The following JMJD1C variants were observed in gnomAD, a reference collection of about 807,000 sequenced individuals.
JMJD1C encodes the protein jumonji domain-containing protein 1C.
A neutral mutation model predicts 245.3 loss-of-function variants in JMJD1C; 31 were observed. That is an observed-to-expected ratio of 0.13 (90% confidence interval 0.09 to 0.17). The LOEUF is 0.17. Among genes scored for constraint, JMJD1C ranks in the 10% least tolerant of loss-of-function variants. JMJD1C has a pLI of 1.00. For synonymous variants in JMJD1C, 1,057 were observed against 1,017.4 expected (o/e 1.04, Z -0.74); for missense variants, 2,691 against 3,000.2 (o/e 0.90, Z 2.41).
chr10:63,290,388 G>A lies in JMJD1C; in HGVS notation c.334-25624C>T, dbSNP rs970979429. ...GTTCGAATCCAGCCTGGCCAGCATG[G>A]TGAAACCCCGTCCCTATTAAAAATT... On this transcript the variant is annotated intron_variant, in intron 2 of 25. Coordinates refer to ENST00000399262, the MANE Select transcript of JMJD1C (RefSeq NM_032776.3). Among the ~76,000 whole-genome samples, 19 of 152,064 alleles carry A rather than the reference G, an allele frequency of 1.2e-4. No individual in the cohort carries two copies. In the East Asian group the frequency reaches 3.7e-3, roughly 29 times the overall value.
At chr10:63,464,024 G>C (rs1057383260) in intron 1 of JMJD1C, among the ~76,000 whole-genome samples, 27 of 151,522 alleles carry the variant, frequency 1.8e-4, no homozygotes, top group Non-Finnish European at 2.8e-4. Context: ...TCTCACCTAT[G>C]TTGCCCAGGC....
chr10:63,456,878 G>C (rs540666629), intron 1 of JMJD1C, among the ~76,000 whole-genome samples: 1 of 152,118 alleles, frequency 6.6e-6, no homozygotes, highest in South Asian at 2.1e-4. Flanking sequence ...TAGATGAACA[G>C]ATACCTTCAC....
chr10:63,514,836 C>G (rs375831704), intron 1 of JMJD1C, among the ~76,000 whole-genome samples: 1 of 152,124 alleles, frequency 6.6e-6, no homozygotes, highest in Non-Finnish European at 1.5e-5. Flanking sequence ...TTCCAACATT[C>G]CTGCCATATT....
chr10:63,426,813 C>T (rs1048533673), intron 1 of JMJD1C, among the ~76,000 whole-genome samples: 4 of 152,008 alleles, frequency 2.6e-5, no homozygotes, highest in African/African-American at 9.7e-5. Flanking sequence ...CTCTGAGTAT[C>T]TAGTGTAAGA....
intron 1 of JMJD1C, among the ~76,000 whole-genome samples, chr10:63,409,825 G>C (rs1000549618): frequency 6.6e-6 from 1 of 152,100 alleles, no homozygotes; most frequent in African/African-American, 2.4e-5. Flanking sequence ...TTTACATGAG[G>C]ATCTGGTTAA....
chr10:63,482,161 GA>G (rs200828018), intron 1 of JMJD1C, among the ~76,000 whole-genome samples: 3 of 150,790 alleles, frequency 2.0e-5, no homozygotes, highest in African/African-American at 7.3e-5. Flanking sequence ...CATTGATGAG[GA>G]AAAAAAAATT....
intron 2 of JMJD1C, among the ~76,000 whole-genome samples, chr10:63,308,321 T>C (rs1268628792): frequency 6.6e-6 from 1 of 152,068 alleles, no homozygotes; most frequent in South Asian, 2.1e-4. Flanking sequence ...GGAGATGATA[T>C]CTCAAAATTC....
intron 1 of JMJD1C, among the ~76,000 whole-genome samples, chr10:63,443,734 T>C (rs2132948758): frequency 6.6e-6 from 1 of 152,328 alleles, no homozygotes; most frequent in Middle Eastern, 3.4e-3. Flanking sequence ...GGTTAGGTCA[T>C]GGAGATGAGA....
chr10:63,499,325 A>T (rs1028819399), intron 1 of JMJD1C, among the ~76,000 whole-genome samples: 9 of 152,344 alleles, frequency 5.9e-5, no homozygotes, highest in African/African-American at 2.2e-4. Flanking sequence ...ACCATTTTGC[A>T]TTCCCAACAC....
chr10:63,208,698 G>C lies in JMJD1C; in HGVS notation c.2971C>G (p.His991Asp). ...GGATCCACAAAATGCCTATGTAAGT[G>C]ACAATCTTTTCCAGTCTGTGACCTA... is the stretch of plus-strand genomic sequence containing the variant. ...LNRSQTGKDC[H>D]LHRHFVDPVL... The change falls in exon 10 of 26, where the codon CAC (histidine) becomes GAC (aspartate). Residue 991 changes from histidine to aspartate, a missense_variant. His to Asp is a moderately conservative substitution (Grantham distance 81). Coordinates refer to ENST00000399262, the MANE Select transcript of JMJD1C (RefSeq NM_032776.3). 1.2e-6 allele frequency: 2 copies of C among 1,614,040 alleles called. No individual in the cohort carries two copies. The highest frequency in any genetic ancestry group is 1.7e-4 in the Middle Eastern group (1 of 6,060).
chr10:63,219,102 T>G (rs1159080936), intron 4 of JMJD1C, among the ~76,000 whole-genome samples: 1 of 152,130 alleles, frequency 6.6e-6, no homozygotes, highest in East Asian at 1.9e-4. Flanking sequence ...TGTTTTTGTA[T>G]GTGTTTGAAA....
intron 14 of JMJD1C, 176 bp from the exon 15 acceptor site, chr10:63,193,648 C>T: frequency 2.1e-6 from 1 of 477,308 alleles, no homozygotes; most frequent in Non-Finnish European, 3.6e-6. Flanking sequence ...GATTATTCAA[C>T]CAAATTTATG....
chr10:63,453,619 A>C (rs944739317), intron 1 of JMJD1C, among the ~76,000 whole-genome samples: 2 of 152,224 alleles, frequency 1.3e-5, no homozygotes, highest in African/African-American at 4.8e-5. Flanking sequence ...CCAAAGGAAA[A>C]ATTTTTACTG....
chr10:63,356,473 T>C (rs958311480), intron 2 of JMJD1C, among the ~76,000 whole-genome samples: 1 of 152,224 alleles, frequency 6.6e-6, no homozygotes, highest in Non-Finnish European at 1.5e-5. Context: ...CTTTGATTCC[T>C]TGAAATCCCT....
intron 10 of JMJD1C, 130 bp downstream of exon 10, chr10:63,206,465 T>C (rs1232372629): frequency 1.6e-6 from 1 of 607,634 alleles, no homozygotes; most frequent in Non-Finnish European, 2.8e-6. Context: ...AATGAGCATA[T>C]ACATAAAGCT....
chr10:63,389,655 T>TA (rs1674903553), intron 1 of JMJD1C, among the ~76,000 whole-genome samples: 3 of 151,988 alleles, frequency 2.0e-5, no homozygotes. Context: ...TGGACACAAA[T>TA]AGAGTCTCAA....
intron 2 of JMJD1C, among the ~76,000 whole-genome samples, chr10:63,334,743 C>T (rs572166296): frequency 7.3e-5 from 11 of 150,726 alleles, no homozygotes; most frequent in South Asian, 6.6e-4. Flanking sequence ...CTCAAACTCG[C>T]TCTGTCACCC....
At chr10:63,482,481 C>T (rs1953859896) in intron 1 of JMJD1C, among the ~76,000 whole-genome samples, 1 of 151,996 alleles carries the variant, frequency 6.6e-6, no homozygotes, top group African/African-American at 2.4e-5. Flanking sequence ...ACTAAAAATA[C>T]AAAACTTAGC....
At chr10:63,363,006 A>T (rs1180943315) in intron 2 of JMJD1C, among the ~76,000 whole-genome samples, 2 of 152,048 alleles carry the variant, frequency 1.3e-5, no homozygotes, top group Non-Finnish European at 2.9e-5. Context: ...ACAATCCTCT[A>T]ATCATTTCAG....
Sources: allele counts gnomAD v4.1 joint callset (sites outside exome capture counted in the v4.1 genomes callset), GRCh38; gene constraint gnomAD v4.1.1; transcripts MANE v1.5; gene names NCBI Gene and HGNC (gene_info 2026-07-23, HGNC 2026-07-21).